TNFAIP8L2: variants seen among roughly 807,000 people sequenced by gnomAD.
The protein encoded by TNFAIP8L2 is TNF alpha induced protein 8 like 2, also known as tumor necrosis factor alpha-induced protein 8-like protein 2.
Under a neutral mutation model 5.6 loss-of-function variants are expected in TNFAIP8L2, and 2 were observed. That is an observed-to-expected ratio of 0.36 (90% CI 0.15 to 1.13). The LOEUF (loss-of-function observed/expected upper bound fraction) is 1.13. Ranked by LOEUF, TNFAIP8L2 falls within the 50% of genes most tolerant of loss-of-function variation. The probability of loss-of-function intolerance (pLI) is 0.40; values close to 1 mark genes in which losing one functional copy is unlikely to be tolerated. For missense variants in TNFAIP8L2, 216 were observed against 241.8 expected (o/e 0.89, Z 0.71); for synonymous variants, 91 against 101.1 (o/e 0.90, Z 0.60).
chr1:151,159,026 C>T lies in TNFAIP8L2; in HGVS notation c.329C>T (p.Thr110Ile). 6.2e-7 allele frequency: 1 copy of T among 1,614,268 alleles called. No individual in the cohort carries two copies. Among genetic ancestry groups the T allele is most frequent in the Non-Finnish European group, 8.5e-7 (1 of 1,180,058 alleles). Residue 110 changes from threonine to isoleucine, a missense_variant, in exon 2 of 2, where the codon ACC (threonine) becomes ATC (isoleucine). By Grantham distance (89) the Thr-to-Ile change is moderately conservative (BLOSUM62 -1). Transcript: ENST00000368910. ...CTTAGCTTTGGTGAGGTAGACTTCACCTTCGAGGCTGCTGTTCTGGCTGGC... is the reference window on the plus strand; with the variant it reads ...CTTAGCTTTGGTGAGGTAGACTTCATCTTCGAGGCTGCTGTTCTGGCTGGC... Reference protein sequence around the residue: ...TALSFGEVDFTFEAAVLAGLL... With the variant: ...TALSFGEVDFIFEAAVLAGLL...
rs773903045 is a variant in TNFAIP8L2, at chr1:151,158,895, G to A, written c.198G>A (p.Val66=). Residue 66 remains valine, a synonymous_variant, in exon 2 of 2, where the codon GTG becomes GTA. Transcript: ENST00000368910. Reference sequence around the variant, plus strand: ...GCGTGATCAAGGACCTGATCAAAGTGGCCATCAAGGTGGCTGTGCTGCACC... The same window carrying A: ...GCGTGATCAAGGACCTGATCAAAGTAGCCATCAAGGTGGCTGTGCTGCACC... ...AQRVIKDLIK[V]AIKVAVLHRN... is the part of the protein sequence containing the mutation. 3.1e-6 allele frequency: 5 copies of A among 1,614,092 alleles called. No individual in the cohort carries two copies. In the South Asian group the frequency reaches 5.5e-5, roughly 18 times the overall value.
intron 1 of TNFAIP8L2, 116 bp downstream of exon 1, chr1:151,156,838 G>A (rs942685416): frequency 6.6e-6 from 1 of 152,216 alleles, no homozygotes; most frequent in African/African-American, 2.4e-5. Flanking sequence ...TACAATTCTT[G>A]GGTCCTTTGT....
At chr1:151,157,342 G>A (rs1683258987) in intron 1 of TNFAIP8L2, among the ~76,000 whole-genome samples, 1 of 152,226 alleles carries the variant, frequency 6.6e-6, no homozygotes, top group African/African-American at 2.4e-5. Flanking sequence ...TTGGTTTGGG[G>A]GAGAGGGCGA....
chr1:151,157,692 G>A (rs1038364717), intron 1 of TNFAIP8L2, among the ~76,000 whole-genome samples: 3 of 152,134 alleles, frequency 2.0e-5, no homozygotes, highest in Non-Finnish European at 4.4e-5. Context: ...ATTTCTCTTC[G>A]CTTCAGTTTT....
Position 151,159,402 on chromosome 1 carries a change from GCCCAC to G in TNFAIP8L2, c.*154_*158del. 1 of 812,192 alleles carries G rather than the reference GCCCAC, an allele frequency of 1.2e-6. No individual in the cohort carries two copies. The highest frequency in any genetic ancestry group is 1.7e-5 in the African/African-American group (1 of 57,542). The allele number at this position is 812,192 out of a possible 1,614,324, so 50.3% of individuals were successfully genotyped here. A position where few individuals can be genotyped will look rare whatever the true frequency, so the allele number is the denominator to read the frequency against. ...AAGAGTGCTTTTGACTCTGAGACCA[GCCCAC>G]CCCCAAACAGCTAGTGGAGAAGGAG... On this transcript the variant is annotated 3_prime_UTR_variant, in exon 2 of 2. Coordinates refer to ENST00000368910, the MANE Select transcript of TNFAIP8L2 (RefSeq NM_024575.5).
At position 151,159,370 on chromosome 1, in the gene TNFAIP8L2, C is replaced by G. The variant is rs1221588946; in HGVS notation, c.*118C>G. ...CACTTTTCAATCTTCAGGCTTCATT[C>G]CTTCCCAAGAGTGCTTTTGACTCTG... On this transcript the variant is annotated 3_prime_UTR_variant, in exon 2 of 2. Coordinates refer to ENST00000368910, the MANE Select transcript of TNFAIP8L2 (RefSeq NM_024575.5). 6.2e-6 allele frequency: 7 copies of G among 1,128,982 alleles called. No homozygotes were observed. Among genetic ancestry groups the G allele is most frequent in the Non-Finnish European group, 8.7e-6 (7 of 802,972 alleles). The allele number at this position is 1,128,982 out of a possible 1,614,324, so 69.9% of individuals were successfully genotyped here.
In TNFAIP8L2 at chr1:151,158,735, C is replaced by A. The variant is rs747942353; in HGVS notation, c.38C>A (p.Ala13Glu). ...SFSSKSLALQ[A>E]EKKLLSKMAG... is the part of the protein sequence containing the mutation. ...AGCTCAAAGAGCCTGGCACTGCAAG[C>A]AGAGAAGAAGCTACTGAGTAAGATG... The change falls in exon 2 of 2, where the codon GCA (alanine) becomes GAA (glutamate). Residue 13 changes from alanine (A) to glutamate (E), a missense_variant. Coordinates refer to ENST00000368910, the MANE Select transcript of TNFAIP8L2 (RefSeq NM_024575.5). 8.7e-6 allele frequency: 14 copies of A among 1,611,326 alleles called. No individual in the cohort carries two copies. In the Admixed American group the frequency reaches 1.8e-4, roughly 21 times the overall value.
chr1:151,157,482 C>A lies in TNFAIP8L2; in HGVS notation c.-33+760C>A, dbSNP rs587727926. Among the ~76,000 whole-genome samples the A allele has an allele frequency of 2.0e-5, 3 of 152,274 alleles. No individual in the cohort carries two copies. In the South Asian group the frequency reaches 6.2e-4, roughly 32 times the overall value. ...ACCCTGGACACATGGAGCTGATATG[C>A]CACCAAGAGGGTCCTGAGTTCAGTG... is the stretch of plus-strand genomic sequence containing the variant. On this transcript the variant is annotated intron_variant, in intron 1 of 1. Transcript: ENST00000368910.
At position 151,159,362 on chromosome 1, in the gene TNFAIP8L2, G is replaced by T; in HGVS notation, c.*110G>T. 1 of 1,167,408 alleles carries T rather than the reference G, an allele frequency of 8.6e-7. No homozygotes were observed. 72.3% of individuals were successfully genotyped at this position (1,167,408 alleles called of 1,614,324 possible). On this transcript the variant is annotated 3_prime_UTR_variant, in exon 2 of 2. Transcript: ENST00000368910. ...GGCACTAACACTTTTCAATCTTCAG[G>T]CTTCATTCCTTCCCAAGAGTGCTTT...
At position 151,158,877 on chromosome 1, in the gene TNFAIP8L2, C is replaced by T; in HGVS notation, c.180C>T (p.Ile60=). 1 of 1,614,246 alleles carries T rather than the reference C, an allele frequency of 6.2e-7. No homozygotes were observed. Among genetic ancestry groups the T allele is most frequent in the Non-Finnish European group, 8.5e-7 (1 of 1,180,046 alleles). Residue 60 remains isoleucine, a synonymous_variant, in exon 2 of 2, where the codon ATC becomes ATT. Transcript: ENST00000368910. ...GCCGGCCCCAGGCCCAGCGCGTGATCAAGGACCTGATCAAAGTGGCCATCA... is the reference window on the plus strand; with the variant it reads ...GCCGGCCCCAGGCCCAGCGCGTGATTAAGGACCTGATCAAAGTGGCCATCA... ...THSRPQAQRV[I]KDLIKVAIKV... is the part of the protein sequence containing the mutation.
intron 1 of TNFAIP8L2, among the ~76,000 whole-genome samples, chr1:151,157,629 T>A (rs1683268586): frequency 6.6e-6 from 1 of 152,208 alleles, no homozygotes; most frequent in Non-Finnish European, 1.5e-5. Flanking sequence ...TCTGGATTAT[T>A]TGGTTTGAAG....
intron 1 of TNFAIP8L2, among the ~76,000 whole-genome samples, chr1:151,157,824 G>C (rs1311240535): frequency 1.3e-5 from 2 of 152,184 alleles, no homozygotes; most frequent in African/African-American, 4.8e-5. Context: ...CTCCTATTAG[G>C]ATTCCTGGGA....
Position 151,159,310 on chromosome 1 carries a change from T to C in TNFAIP8L2, c.*58T>C. On this transcript the variant is annotated 3_prime_UTR_variant, in exon 2 of 2. Coordinates refer to ENST00000368910, the MANE Select transcript of TNFAIP8L2 (RefSeq NM_024575.5). ...AAATGGTTGACTGAGAAAACACAGATAATGGGCTTCCTAACCCTGCTCACC... is the reference window on the plus strand; with the variant it reads ...AAATGGTTGACTGAGAAAACACAGACAATGGGCTTCCTAACCCTGCTCACC... 6.6e-7 allele frequency: 1 copy of C among 1,524,402 alleles called. No homozygotes were observed. Among genetic ancestry groups the C allele is most frequent in the Non-Finnish European group, 8.9e-7 (1 of 1,122,004 alleles). 94.4% of individuals were successfully genotyped at this position (1,524,402 alleles called of 1,614,324 possible). A position where few individuals can be genotyped will look rare whatever the true frequency, so the allele number is the denominator to read the frequency against.
rs1683354892 is a variant in TNFAIP8L2 at position 151,159,403 on chromosome 1, C to G, written c.*151C>G. ...AGAGTGCTTTTGACTCTGAGACCAG[C>G]CCACCCCCAAACAGCTAGTGGAGAA... is the stretch of plus-strand genomic sequence containing the variant. On this transcript the variant is annotated 3_prime_UTR_variant, in exon 2 of 2. Transcript: ENST00000368910. 1.2e-6 allele frequency: 1 copy of G among 805,030 alleles called. No homozygotes were observed. Among genetic ancestry groups the G allele is most frequent in the South Asian group, 1.8e-5 (1 of 54,064 alleles). 49.9% of individuals were successfully genotyped at this position (805,030 alleles called of 1,614,324 possible).
chr1:151,157,089 A>G (rs950510967), intron 1 of TNFAIP8L2, among the ~76,000 whole-genome samples: 4 of 152,262 alleles, frequency 2.6e-5, no homozygotes, highest in African/African-American at 9.6e-5. Flanking sequence ...ACAGGGAGAG[A>G]GGGAGAAGAC....
chr1:151,158,673 C>A lies in TNFAIP8L2; in HGVS notation c.-25C>A. 3 of 1,547,388 alleles carry A rather than the reference C, an allele frequency of 1.9e-6. No homozygotes were observed. The highest frequency in any genetic ancestry group is 2.6e-6 in the Non-Finnish European group (3 of 1,144,940). ...CTGTGGCCTTTCTTCTAGTGACTGA[C>A]CACATACCCCACTCTCCAGGACCCA... On this transcript the variant is annotated 5_prime_UTR_variant, in exon 2 of 2. Transcript: ENST00000368910.
chr1:151,158,905 G>A lies in TNFAIP8L2; in HGVS notation c.208G>A (p.Val70Met), dbSNP rs766594715. 1 of 1,614,200 alleles carries A rather than the reference G, an allele frequency of 6.2e-7. No individual in the cohort carries two copies. Among genetic ancestry groups the A allele is most frequent in the Non-Finnish European group, 8.5e-7 (1 of 1,180,016 alleles). Residue 70 changes from valine (V) to methionine (M), a missense_variant, in exon 2 of 2, where the codon GTG (valine) becomes ATG (methionine). Val to Met is a conservative substitution (Grantham distance 21). Transcript: ENST00000368910. ...IKDLIKVAIKVAVLHRNGSFG... is the reference protein window; with the variant it reads ...IKDLIKVAIKMAVLHRNGSFG... ...GGACCTGATCAAAGTGGCCATCAAG[G>A]TGGCTGTGCTGCACCGCAATGGCTC...
Position 151,159,387 on chromosome 1 carries a change from T to C in TNFAIP8L2, c.*135T>C, listed in dbSNP as rs587639586. The C allele has an allele frequency of 1.2e-5, 12 of 1,018,766 alleles. No individual in the cohort carries two copies. The Admixed American group carries it at 2.6e-4, about 22-fold the overall frequency. The allele number at this position is 1,018,766 out of a possible 1,614,324, so 63.1% of individuals were successfully genotyped here. A position where few individuals can be genotyped will look rare whatever the true frequency, so the allele number is the denominator to read the frequency against. The stretch of plus-strand genomic sequence containing the variant: ...GCTTCATTCCTTCCCAAGAGTGCTT[T>C]TGACTCTGAGACCAGCCCACCCCCA... On this transcript the variant is annotated 3_prime_UTR_variant, in exon 2 of 2. Coordinates refer to ENST00000368910, the MANE Select transcript of TNFAIP8L2 (RefSeq NM_024575.5).
At chr1:151,158,083 G>T (rs1193435939) in intron 1 of TNFAIP8L2, among the ~76,000 whole-genome samples, 4 of 152,182 alleles carry the variant, frequency 2.6e-5, no homozygotes, top group African/African-American at 9.7e-5. Flanking sequence ...CCGGCACTTT[G>T]GGAGGCCGAG....
Sources: allele counts gnomAD v4.1 joint callset (sites outside exome capture counted in the v4.1 genomes callset), GRCh38; gene constraint gnomAD v4.1.1; transcripts MANE v1.5; gene names NCBI Gene and HGNC (gene_info 2026-07-23, HGNC 2026-07-21).